The following LINGO2 variants were observed in gnomAD, a reference collection of about 807,000 sequenced individuals.
The protein encoded by LINGO2 is leucine-rich repeat and immunoglobulin-like domain-containing nogo receptor-interacting protein 2.
A neutral mutation model predicts 30.6 loss-of-function variants in LINGO2; 14 were observed. The ratio of observed to expected loss-of-function variants is 0.46; its 90% CI spans 0.30 to 0.72. The LOEUF (loss-of-function observed/expected upper bound fraction) is 0.72, where lower values mean the gene tolerates loss of function less well. LINGO2 is among the 30% of genes least tolerant of loss of function. The probability of loss-of-function intolerance (pLI) is 0.07; values close to 1 mark genes in which losing one functional copy is unlikely to be tolerated. For missense variants in LINGO2, 729 were observed against 751.7 expected (o/e 0.97, Z 0.35); for synonymous variants, 317 against 288.5 (o/e 1.10, Z -1.00).
At chr9:28,143,443 A>G (rs1827729722) in intron 4 of LINGO2, among the ~76,000 whole-genome samples, 1 of 152,174 alleles carries the variant, frequency 6.6e-6, no homozygotes, top group Non-Finnish European at 1.5e-5. Flanking sequence ...TCTCTTTTGT[A>G]TGAAAGCCTG....
At chr9:28,583,411 T>C (rs573297660) in intron 1 of LINGO2, among the ~76,000 whole-genome samples, 3 of 152,104 alleles carry the variant, frequency 2.0e-5, no homozygotes, top group Admixed American at 2.0e-4. Context: ...CTCATCTTTT[T>C]CATAACGTAG....
At chr9:28,995,326 T>A in the LINGO2 span, among the ~76,000 whole-genome samples, 2 of 152,084 alleles carry the variant, frequency 1.3e-5, no homozygotes, top group African/African-American at 2.4e-5. Flanking sequence ...TGAGATACCA[T>A]CTCACACCAG....
At chr9:28,769,162 A>T in the LINGO2 span, among the ~76,000 whole-genome samples, 8 of 151,914 alleles carry the variant, frequency 5.3e-5, no homozygotes, top group African/African-American at 1.9e-4. Context: ...CAAAATATAT[A>T]GCCATAAGTA....
chr9:28,207,257 C>T (rs1028612953), intron 4 of LINGO2, among the ~76,000 whole-genome samples: 2 of 152,028 alleles, frequency 1.3e-5, no homozygotes, highest in African/African-American at 4.8e-5. Flanking sequence ...AGTACATTTT[C>T]CAATTTCCCA....
At chr9:28,110,535 A>C (rs919284240) in intron 4 of LINGO2, among the ~76,000 whole-genome samples, 1 of 152,042 alleles carries the variant, frequency 6.6e-6, no homozygotes, top group Admixed American at 6.5e-5. Flanking sequence ...CAAAGAACCT[A>C]AACAAATTTA....
intron 1 of LINGO2, among the ~76,000 whole-genome samples, chr9:28,630,920 C>T (rs2135875187): frequency 6.6e-6 from 1 of 150,934 alleles, no homozygotes; most frequent in African/African-American, 2.4e-5. Context: ...CCATGGAGAG[C>T]ATAAAATATT....
Position 28,314,487 on chromosome 9 carries a change from G to A in LINGO2, c.-245-19121C>T, listed in dbSNP as rs1419676068. Among the ~76,000 whole-genome samples the A allele has an allele frequency of 3.9e-5, 6 of 152,078 alleles. No homozygotes were observed. The East Asian group carries it at 1.2e-3, about 29-fold the overall frequency. ...TGTTCCTTCTTCAAGAAATAATTGAGTGTCTCTGTGTTCAAGGCACCGAGT... is the reference window on the plus strand; with the variant it reads ...TGTTCCTTCTTCAAGAAATAATTGAATGTCTCTGTGTTCAAGGCACCGAGT... On this transcript the variant is annotated intron_variant, in intron 3 of 5. Coordinates refer to ENST00000379992, the Ensembl canonical transcript of LINGO2.
At chr9:28,023,832 C>T (rs189452328) in intron 4 of LINGO2, among the ~76,000 whole-genome samples, 1 of 152,052 alleles carries the variant, frequency 6.6e-6, no homozygotes, top group Non-Finnish European at 1.5e-5. Context: ...GTATGGGGCC[C>T]CCTAAGATTA....
chr9:28,968,918 T>C, the LINGO2 span, among the ~76,000 whole-genome samples: 1 of 152,152 alleles, frequency 6.6e-6, no homozygotes, highest in Admixed American at 6.5e-5. Context: ...TAGTTTCTAG[T>C]AGACACATGC....
At chr9:27,997,580 T>G (rs1821732553) in intron 5 of LINGO2, among the ~76,000 whole-genome samples, 1 of 152,240 alleles carries the variant, frequency 6.6e-6, no homozygotes, top group Non-Finnish European at 1.5e-5. Flanking sequence ...TCTTTACTCT[T>G]TAATTGAATA....
chr9:28,796,398 T>G, the LINGO2 span, among the ~76,000 whole-genome samples: 1 of 152,086 alleles, frequency 6.6e-6, no homozygotes, highest in African/African-American at 2.4e-5. Flanking sequence ...AAGTTGCATC[T>G]CAAAATTATT....
the LINGO2 span, among the ~76,000 whole-genome samples, chr9:28,739,746 A>G: frequency 3.3e-5 from 5 of 151,608 alleles, no homozygotes; most frequent in African/African-American, 9.7e-5. Flanking sequence ...ATGTATCTCT[A>G]AGTCTAGCTT....
intron 3 of LINGO2, among the ~76,000 whole-genome samples, chr9:28,372,407 G>A (rs1383826803): frequency 6.6e-6 from 1 of 152,146 alleles, no homozygotes; most frequent in Non-Finnish European, 1.5e-5. Flanking sequence ...AGTGAAATAA[G>A]TCAGGCACGA....
At chr9:28,549,673 T>A (rs997981589) in intron 1 of LINGO2, among the ~76,000 whole-genome samples, 1 of 151,954 alleles carries the variant, frequency 6.6e-6, no homozygotes, top group Non-Finnish European at 1.5e-5. Flanking sequence ...TAGTATCTTT[T>A]TAAATGATAG....
intron 2 of LINGO2, among the ~76,000 whole-genome samples, chr9:28,473,470 T>C (rs1356378380): frequency 6.6e-6 from 1 of 151,912 alleles, no homozygotes; most frequent in Non-Finnish European, 1.5e-5. Context: ...ACATTACTAC[T>C]GTCTCTATTC....
chr9:28,606,373 A>G (rs947107320), intron 1 of LINGO2, among the ~76,000 whole-genome samples: 1 of 151,932 alleles, frequency 6.6e-6, no homozygotes, highest in African/African-American at 2.4e-5. Flanking sequence ...TTACTGGAGA[A>G]TAAATGACTT....
chr9:28,692,470 G>A, the LINGO2 span, among the ~76,000 whole-genome samples: 7 of 151,908 alleles, frequency 4.6e-5, no homozygotes, highest in East Asian at 1.9e-4. Context: ...TCAAAACTCC[G>A]TCTCAAAAAA....
At chr9:28,911,879 A>G in the LINGO2 span, among the ~76,000 whole-genome samples, 2 of 152,118 alleles carry the variant, frequency 1.3e-5, no homozygotes, top group African/African-American at 2.4e-5. Context: ...TAATTACTTT[A>G]AAAGTCATAT....
chr9:28,758,166 C>T, the LINGO2 span, among the ~76,000 whole-genome samples: 4 of 152,040 alleles, frequency 2.6e-5, no homozygotes, highest in African/African-American at 7.3e-5. Context: ...TGATTGCTTA[C>T]CTGTTCATTA....
Sources: allele counts gnomAD v4.1 joint callset (sites outside exome capture counted in the v4.1 genomes callset), GRCh38; gene constraint gnomAD v4.1.1; transcripts MANE v1.5; gene names NCBI Gene and HGNC (gene_info 2026-07-23, HGNC 2026-07-21).